Variants in SLC9A2 observed in about 807,000 individuals in gnomAD.
SLC9A2 encodes the protein sodium/hydrogen exchanger 2.
SLC9A2 carries 42 observed loss-of-function variants against 71.7 expected under a neutral mutation model. The ratio of observed to expected loss-of-function variants is 0.59; its 90% confidence interval spans 0.46 to 0.76. The LOEUF (loss-of-function observed/expected upper bound fraction) is 0.76, where lower values mean the gene tolerates loss of function less well. Ranked by LOEUF, SLC9A2 falls within the 30% of genes least tolerant of loss-of-function variation. The probability of loss-of-function intolerance (pLI) is 0.00; values close to 1 mark genes in which losing one functional copy is unlikely to be tolerated. For synonymous variants in SLC9A2, 396 were observed against 392.5 expected, an observed-to-expected ratio of 1.01 and a Z score of -0.10; for missense variants, 829 against 1,017.4, an observed-to-expected ratio of 0.81 and a Z score of 2.52.
chr2:102,640,713 A>T (rs1318968877), intron 1 of SLC9A2, among the ~76,000 whole-genome samples: 9 of 152,144 alleles, frequency 5.9e-5, no homozygotes, highest in Non-Finnish European at 1.2e-4. Context: ...TGGAGGGCCC[A>T]TTAGATAGGT....
chr2:102,708,406 C>A lies in SLC9A2; in HGVS notation c.2356C>A (p.Pro786Thr), dbSNP rs746286850. 1 of 1,614,210 alleles carries A rather than the reference C, an allele frequency of 6.2e-7. No individual in the cohort carries two copies. Residue 786 changes from proline (P) to threonine (T), a missense_variant, in exon 12 of 12, where the codon CCG becomes ACG. This residue lies in a region of SLC9A2 where 223 missense variants were observed against 197.5 expected (regional missense o/e 1.13). Transcript: ENST00000233969. ...EREDSLTEGI[P>T]PKPPPRLVWR... ...GGAAGACAGTTTGACTGAAGGCATCCCGCCCAAGCCGCCACCACGGCTGGT... is the reference window on the plus strand; with the variant it reads ...GGAAGACAGTTTGACTGAAGGCATCACGCCCAAGCCGCCACCACGGCTGGT...
intron 2 of SLC9A2, among the ~76,000 whole-genome samples, chr2:102,664,084 TG>T (rs1677092643): frequency 6.6e-6 from 1 of 152,048 alleles, no homozygotes; most frequent in South Asian, 2.1e-4. Context: ...AAGACCAGCC[TG>T]GCCAACATCA....
Position 102,710,663 on chromosome 2 carries a change from C to CT in SLC9A2, c.*2181dup, listed in dbSNP as rs796642414. 1 of 152,122 alleles carries CT rather than the reference C, an allele frequency of 6.6e-6. No individual in the cohort carries two copies. The highest frequency in any genetic ancestry group is 2.1e-4 in the South Asian group (1 of 4,830). The allele number at this position is 152,122 out of a possible 1,614,324, so 9.4% of individuals were successfully genotyped here. The stretch of plus-strand genomic sequence containing the variant: ...GCAATAAAAATAAATTTGACTTTAG[C>CT]TTTTTTTCTATACTTTCCTCTTTTT... On this transcript the variant is annotated 3_prime_UTR_variant, in exon 12 of 12. Coordinates refer to ENST00000233969, the MANE Select transcript of SLC9A2 (RefSeq NM_003048.6).
chr2:102,626,894 C>T (rs982033916), intron 1 of SLC9A2, among the ~76,000 whole-genome samples: 2 of 152,050 alleles, frequency 1.3e-5, no homozygotes, highest in African/African-American at 2.4e-5. Flanking sequence ...ACATTATATC[C>T]ACTTTAACAA....
chr2:102,704,954 G>T (rs1367991472), intron 10 of SLC9A2, among the ~76,000 whole-genome samples: 2 of 152,148 alleles, frequency 1.3e-5, no homozygotes, highest in Non-Finnish European at 2.9e-5. Context: ...CCAGCACTTT[G>T]GGAAGCCGAA....
intron 4 of SLC9A2, among the ~76,000 whole-genome samples, chr2:102,683,921 C>A (rs1431090858): frequency 6.6e-6 from 1 of 152,032 alleles, no homozygotes; most frequent in Admixed American, 6.6e-5. Flanking sequence ...TTTGTCTTGT[C>A]TTCTCTGATT....
chr2:102,694,723 A>T (rs1677721380), intron 6 of SLC9A2, among the ~76,000 whole-genome samples: 1 of 152,136 alleles, frequency 6.6e-6, no homozygotes, highest in Non-Finnish European at 1.5e-5. Flanking sequence ...ATGAGTAGAG[A>T]GACAAGAAGT....
At chr2:102,704,431 T>C (rs1169818499) in intron 9 of SLC9A2, 113 bp from the exon 10 acceptor site, 14 of 907,684 alleles carry the variant, frequency 1.5e-5, no homozygotes, top group African/African-American at 3.3e-5. Flanking sequence ...AAGTTATAAG[T>C]GCTTAGCTGA....
At chr2:102,674,516 C>T (rs796255850) in intron 3 of SLC9A2, among the ~76,000 whole-genome samples, 6 of 152,322 alleles carry the variant, frequency 3.9e-5, no homozygotes, top group African/African-American at 1.4e-4. Context: ...TGAGGTCTGA[C>T]TTTGTCAGTA....
rs267598818 is a variant in SLC9A2 at position 102,708,218 on chromosome 2, C to T, written c.2168C>T (p.Ser723Phe). 6 of 1,614,098 alleles carry T rather than the reference C, an allele frequency of 3.7e-6. No individual in the cohort carries two copies. The East Asian group carries it at 1.1e-4, about 30-fold the overall frequency. The part of the protein sequence containing the change: ...RFLPEQFSKK[S>F]PQSYKMEWKN... Reference sequence around the variant, plus strand: ...TTGCCAGAACAGTTCTCCAAGAAATCCCCCCAGTCCTATAAAATGGAATGG... The same window carrying T: ...TTGCCAGAACAGTTCTCCAAGAAATTCCCCCAGTCCTATAAAATGGAATGG... The change falls in exon 12 of 12, where the codon TCC becomes TTC. Residue 723 changes from serine to phenylalanine, a missense_variant. By Grantham distance (155) the Ser-to-Phe change is radical. Around this residue, in one of 3 missense-constraint regions of SLC9A2, gnomAD observed 223 missense variants for 197.5 expected, o/e 1.13. Transcript: ENST00000233969.
At chr2:102,707,045 A>G (rs755109849) in intron 11 of SLC9A2, among the ~76,000 whole-genome samples, 1 of 152,210 alleles carries the variant, frequency 6.6e-6, no homozygotes, top group Non-Finnish European at 1.5e-5. Context: ...GCTAAACATT[A>G]GATACACAGG....
intron 3 of SLC9A2, among the ~76,000 whole-genome samples, chr2:102,670,729 G>A (rs1264974872): frequency 6.6e-6 from 1 of 151,980 alleles, no homozygotes; most frequent in African/African-American, 2.4e-5. Flanking sequence ...CCAGCTTGCT[G>A]GACTGAAGTC....
intron 7 of SLC9A2, among the ~76,000 whole-genome samples, chr2:102,695,854 T>C (rs1233339425): frequency 7.3e-6 from 1 of 137,104 alleles, no homozygotes; most frequent in Non-Finnish European, 1.6e-5. Context: ...AAAAATTACA[T>C]ACATTTATAT....
At chr2:102,671,583 A>C (rs1050866454) in intron 3 of SLC9A2, among the ~76,000 whole-genome samples, 1 of 152,244 alleles carries the variant, frequency 6.6e-6, no homozygotes, top group Admixed American at 6.5e-5. Flanking sequence ...ACCTTAACCT[A>C]GAGAAATGTA....
chr2:102,692,957 C>T (rs1398711277), intron 5 of SLC9A2, among the ~76,000 whole-genome samples: 1 of 151,596 alleles, frequency 6.6e-6, no homozygotes, highest in East Asian at 1.9e-4. Context: ...GATAGTATAT[C>T]TATGCATATT....
chr2:102,699,721 G>A (rs1677839042), intron 7 of SLC9A2, among the ~76,000 whole-genome samples: 1 of 152,154 alleles, frequency 6.6e-6, no homozygotes, highest in South Asian at 2.1e-4. Flanking sequence ...GAAATGAATT[G>A]TCTCATAATC....
intron 1 of SLC9A2, among the ~76,000 whole-genome samples, chr2:102,654,047 C>T (rs749385975): frequency 5.9e-5 from 9 of 152,082 alleles, no homozygotes; most frequent in Non-Finnish European, 1.0e-4. Context: ...AGGCAGAGAG[C>T]GGGAGGGCTG....
chr2:102,630,468 T>C (rs1243256393), intron 1 of SLC9A2, among the ~76,000 whole-genome samples: 2 of 152,044 alleles, frequency 1.3e-5, no homozygotes, highest in Non-Finnish European at 2.9e-5. Context: ...CTTATGTCTC[T>C]GGTTTTATTT....
chr2:102,698,792 A>G (rs1677815021), intron 7 of SLC9A2, among the ~76,000 whole-genome samples: 1 of 152,200 alleles, frequency 6.6e-6, no homozygotes, highest in African/African-American at 2.4e-5. Flanking sequence ...TGTGTCTGCT[A>G]ATAGCCCACT....
Sources: allele counts gnomAD v4.1 joint callset (sites outside exome capture counted in the v4.1 genomes callset), GRCh38; gene constraint gnomAD v4.1.1; regional missense constraint gnomAD v4.1.1; transcripts MANE v1.5; gene names NCBI Gene and HGNC (gene_info 2026-07-23, HGNC 2026-07-21).